Variants in KDM5A observed in about 807,000 individuals in gnomAD.
The protein encoded by KDM5A is lysine demethylase 5A, also known as lysine-specific demethylase 5A.
A neutral mutation model predicts 193.5 loss-of-function variants in KDM5A; 42 were observed. The ratio of observed to expected loss-of-function variants is 0.22; its 90% CI spans 0.17 to 0.28. KDM5A has a LOEUF of 0.28. KDM5A is among the 10% of genes least tolerant of loss of function. The pLI, the probability that KDM5A is intolerant of heterozygous loss-of-function variation, is 1.00. For missense variants in KDM5A, 1,692 were observed against 2,055.1 expected (o/e 0.82, Z 3.42); for synonymous variants, 796 against 718.1 (o/e 1.11, Z -1.73).
At chr12:388,153 C>T (rs890308524) in intron 1 of KDM5A, 2 of 366,794 alleles carry the variant, frequency 5.5e-6, no homozygotes, top group South Asian at 2.0e-5. Context: ...TAAAGAAAAA[C>T]ACCTTTGACC....
chr12:385,872 G>T, intron 2 of KDM5A, 25 bp downstream of exon 2: 1 of 1,578,294 alleles, frequency 6.3e-7, no homozygotes, highest in Non-Finnish European at 8.7e-7. Context: ...GAATCAGGAA[G>T]CAGAAATAGT....
rs377223672 is a variant in KDM5A, at chr12:358,448, T to A, written c.673-1911A>T. On this transcript the variant is annotated intron_variant, in intron 5 of 27. Transcript: ENST00000399788. Reference sequence around the variant, plus strand: ...GTTAGTCGAACAATAAATATAACACTACACATTCTTTACCATTATTAAAGC... The same window carrying A: ...GTTAGTCGAACAATAAATATAACACAACACATTCTTTACCATTATTAAAGC... Among the ~76,000 whole-genome samples the A allele has an allele frequency of 7.9e-5, 12 of 152,318 alleles. No homozygotes were observed. The East Asian group carries it at 1.7e-3, about 22-fold the overall frequency.
intron 3 of KDM5A, among the ~76,000 whole-genome samples, chr12:378,142 G>A (rs1944530031): frequency 6.6e-6 from 1 of 152,140 alleles, no homozygotes; most frequent in African/African-American, 2.4e-5. Context: ...TGAAGAAACA[G>A]CAATATGAGC....
rs144345600 is a variant in KDM5A at position 282,382 on chromosome 12, A to T, written c.*3074T>A. 2 of 233,270 alleles carry T rather than the reference A, an allele frequency of 8.6e-6. No homozygotes were observed. The highest frequency in any genetic ancestry group is 4.4e-5 in the African/African-American group (2 of 45,470). The allele number at this position is 233,270 out of a possible 1,614,324, so 14.5% of individuals were successfully genotyped here. Reference sequence around the variant, plus strand: ...ATTATTCAAGGTATGACATGCAATAATTTATAATTTTACTGAGGCACAAAT... The same window carrying T: ...ATTATTCAAGGTATGACATGCAATATTTTATAATTTTACTGAGGCACAAAT... On this transcript the variant is annotated 3_prime_UTR_variant, in exon 28 of 28. Transcript: ENST00000399788.
intron 7 of KDM5A, 80 bp downstream of exon 7, chr12:355,078 C>T: frequency 4.7e-6 from 4 of 856,864 alleles, no homozygotes; most frequent in Non-Finnish European, 8.1e-6. Flanking sequence ...TAAACACATA[C>T]CATGATATAT....
rs536146284 is a variant in KDM5A at position 388,295 on chromosome 12, C to G, written c.165+632G>C. 215 of 455,966 alleles carry G rather than the reference C, an allele frequency of 4.7e-4. 2 individuals carry two copies. Among genetic ancestry groups the G allele is most frequent in the South Asian group, 3.1e-3 (202 of 64,540 alleles). 28.2% of individuals were successfully genotyped at this position (455,966 alleles called of 1,614,324 possible). A position where few individuals can be genotyped will look rare whatever the true frequency, so the allele number is the denominator to read the frequency against. ...CTAGTTATCTGCAATAACTGTGATT[C>G]TAAAATCGTTGATCTTGAGTTCCCT... On this transcript the variant is annotated intron_variant, in intron 1 of 27. Transcript: ENST00000399788.
At chr12:371,165 G>C (rs560246023) in intron 3 of KDM5A, among the ~76,000 whole-genome samples, 29 of 152,302 alleles carry the variant, frequency 1.9e-4, no homozygotes, top group African/African-American at 6.7e-4. Context: ...GGTATTTCTA[G>C]TTCAAGATCC....
rs777562752 is a variant in KDM5A, at chr12:389,161, A to T, written c.-70T>A. 2.1e-6 allele frequency: 3 copies of T among 1,405,074 alleles called. No individual in the cohort carries two copies. Among genetic ancestry groups the T allele is most frequent in the South Asian group, 2.3e-5 (2 of 87,226 alleles). The allele number at this position is 1,405,074 out of a possible 1,614,324, so 87.0% of individuals were successfully genotyped here. ...GAGAAAAGCTGGCTGAAGCCCACTA[A>T]GCCCGTTCAAGTCCCCTGACAGAGG... On this transcript the variant is annotated 5_prime_UTR_variant, in exon 1 of 28. Coordinates refer to ENST00000399788, the MANE Select transcript of KDM5A (RefSeq NM_001042603.3).
Position 307,831 on chromosome 12 carries a change from G to C in KDM5A, c.3553C>G (p.His1185Asp). 6.2e-7 allele frequency: 1 copy of C among 1,614,184 alleles called. No individual in the cohort carries two copies. The highest frequency in any genetic ancestry group is 1.1e-5 in the South Asian group (1 of 91,072). ...LQCELCKDWF[H>D]NSCVPLPKSS... The stretch of plus-strand genomic sequence containing the variant: ...TTAGGAAGAGGAACACAGCTGTTAT[G>C]GAACCAGTCTTTGCAGAGCTCACAC... The change falls in exon 23 of 28, where the codon CAT becomes GAT. Residue 1185 changes from histidine (H) to aspartate (D), a missense_variant. This residue lies in a region of KDM5A where 965 missense variants were observed against 1,061.0 expected (regional missense o/e 0.91). Coordinates refer to ENST00000399788, the MANE Select transcript of KDM5A (RefSeq NM_001042603.3). This position sits in a 1 kb window ranked among gnomAD's most constrained non-coding sequence, Gnocchi z 4.3.
chr12:292,371 G>A (rs1943306589), intron 27 of KDM5A, among the ~76,000 whole-genome samples: 1 of 152,124 alleles, frequency 6.6e-6, no homozygotes, highest in Non-Finnish European at 1.5e-5. Context: ...TTACAATACT[G>A]GCCCAGGATT....
chr12:375,253 T>C (rs1312865187), intron 3 of KDM5A, among the ~76,000 whole-genome samples: 1 of 152,194 alleles, frequency 6.6e-6, no homozygotes, highest in African/African-American at 2.4e-5. Flanking sequence ...AGTCCCACAT[T>C]TCTTGGAGGC....
intron 3 of KDM5A, among the ~76,000 whole-genome samples, chr12:382,934 A>G (rs2137497589): frequency 6.6e-6 from 1 of 152,336 alleles, no homozygotes; most frequent in South Asian, 2.1e-4. Flanking sequence ...TCCATCTCAA[A>G]AAAAAGAGAA....
chr12:367,948 C>T (rs1024255711), intron 3 of KDM5A, among the ~76,000 whole-genome samples: 3 of 151,870 alleles, frequency 2.0e-5, no homozygotes, highest in African/African-American at 7.3e-5. Context: ...ACTCAAAGAA[C>T]TGAAAGGAGG....
intron 10 of KDM5A, among the ~76,000 whole-genome samples, chr12:345,737 T>C (rs1293505987): frequency 6.6e-6 from 1 of 152,256 alleles, no homozygotes; most frequent in African/African-American, 2.4e-5. Flanking sequence ...AAACACAACA[T>C]ACCAGAATCT....
chr12:361,100 A>G (rs1425060063), intron 5 of KDM5A, among the ~76,000 whole-genome samples: 1 of 152,206 alleles, frequency 6.6e-6, no homozygotes, highest in Non-Finnish European at 1.5e-5. Context: ...GAGTTGAAAA[A>G]ATTCTTAATT....
Position 289,005 on chromosome 12 carries a change from G to A in KDM5A, c.4867-3343C>T, listed in dbSNP as rs554034045. Among the ~76,000 whole-genome samples the A allele has an allele frequency of 6.6e-5, 10 of 152,260 alleles. No homozygotes were observed. In the South Asian group the frequency reaches 1.2e-3, roughly 19 times the overall value. ...AAAGGAGATATGAACTAGTAAAGCC[G>A]CTGGAAATGCAAATACTTTGATTGA... On this transcript the variant is annotated intron_variant, in intron 27 of 27. Coordinates refer to ENST00000399788, the MANE Select transcript of KDM5A (RefSeq NM_001042603.3).
intron 3 of KDM5A, among the ~76,000 whole-genome samples, chr12:378,667 G>A (rs947264337): frequency 2.0e-5 from 3 of 152,160 alleles, no homozygotes; most frequent in African/African-American, 7.2e-5. Flanking sequence ...TATAAAAACT[G>A]TAATTATTCA....
chr12:317,530 C>T (rs575169535), intron 19 of KDM5A, among the ~76,000 whole-genome samples: 11 of 152,324 alleles, frequency 7.2e-5, no homozygotes, highest in Admixed American at 2.6e-4. Context: ...CTGTGTATAA[C>T]ATGAAGTACC....
At chr12:343,285 G>C (rs921860260) in intron 10 of KDM5A, among the ~76,000 whole-genome samples, 3 of 152,206 alleles carry the variant, frequency 2.0e-5, no homozygotes, top group Admixed American at 6.5e-5. Context: ...CTCAAACTGG[G>C]TGGAGCCCAC....
Sources: allele counts gnomAD v4.1 joint callset (sites outside exome capture counted in the v4.1 genomes callset), GRCh38; gene constraint gnomAD v4.1.1; regional missense constraint gnomAD v4.1.1; non-coding constraint Gnocchi (gnomAD v3.1); transcripts MANE v1.5; gene names NCBI Gene and HGNC (gene_info 2026-07-23, HGNC 2026-07-21).